The following USP47 variants were observed in gnomAD, a reference collection of about 807,000 sequenced individuals.
The protein encoded by USP47 is ubiquitin carboxyl-terminal hydrolase 47.
In USP47, 35 loss-of-function variants were observed where a neutral mutation model predicts 165.1. The observed-to-expected ratio is 0.21, with a 90% confidence interval of 0.16 to 0.28. The LOEUF (loss-of-function observed/expected upper bound fraction) is 0.28, where lower values mean the gene tolerates loss of function less well. USP47 is among the 10% of genes least tolerant of loss of function. USP47 has a pLI of 1.00. For missense variants in USP47, 1,277 were observed against 1,607.4 expected, an observed-to-expected ratio of 0.79 and a Z score of 3.52; for synonymous variants, 531 against 544.5, an observed-to-expected ratio of 0.98 and a Z score of 0.35.
chr11:11,883,803 G>C lies in USP47; in HGVS notation c.244-664G>C, dbSNP rs138290247. Among the ~76,000 whole-genome samples the C allele has an allele frequency of 2.6e-3, 392 of 152,208 alleles. 2 individuals are homozygous for C. Among genetic ancestry groups the C allele is most frequent in the Non-Finnish European group, 3.9e-3 (266 of 67,994 alleles). On this transcript the variant is annotated intron_variant, in intron 2 of 27. Transcript: ENST00000527733. Reference sequence around the variant, plus strand: ...TACCATATAAGTTAGGTGAAGACTTGACTCTTAGATGTTTAATTTTCAAAG... The same window carrying C: ...TACCATATAAGTTAGGTGAAGACTTCACTCTTAGATGTTTAATTTTCAAAG...
rs946470578 is a variant in USP47, at chr11:11,949,812, A to AT, written c.3349-72dup. Reference sequence around the variant, plus strand: ...TAATTGCAAATAAAATGTTTTGGTAATTTTTATTTTAATGTGTTAATATTA... The same window carrying AT: ...TAATTGCAAATAAAATGTTTTGGTAATTTTTTATTTTAATGTGTTAATATTA... On this transcript the variant is annotated intron_variant, in intron 22 of 27. Transcript: ENST00000527733. The AT allele has an allele frequency of 1.8e-5, 18 of 979,774 alleles. No homozygotes were observed. The African/African-American group carries it at 3.1e-4, about 17-fold the overall frequency. 60.7% of individuals were successfully genotyped at this position (979,774 alleles called of 1,614,324 possible).
chr11:11,893,404 A>G (rs968199077), intron 4 of USP47, among the ~76,000 whole-genome samples: 2 of 152,208 alleles, frequency 1.3e-5, no homozygotes, highest in Non-Finnish European at 2.9e-5. Context: ...AAAGAACACT[A>G]TAGTGTTACA....
chr11:11,912,195 C>T lies in USP47; in HGVS notation c.969+6647C>T, dbSNP rs546664811. 5.8e-4 allele frequency among the ~76,000 whole-genome samples: 88 copies of T among 150,926 alleles called. 1 individual carries two copies. The South Asian group carries it at 0.014, about 24-fold the overall frequency. ...AAGAGCAAAAGAAACCCAAAGCAAG[C>T]GGAAGGAAGGACATAATAAAGAAAA... On this transcript the variant is annotated intron_variant, in intron 8 of 27. Coordinates refer to ENST00000527733, the MANE Select transcript of USP47 (RefSeq NM_001282659.2).
intron 27 of USP47, 22 bp downstream of exon 27, chr11:11,955,186 T>A (rs1309298420): frequency 1.2e-6 from 2 of 1,604,228 alleles, no homozygotes; most frequent in Non-Finnish European, 1.7e-6. Context: ...AATGTTTTTG[T>A]TGCTGTTAGT....
intron 1 of USP47, among the ~76,000 whole-genome samples, chr11:11,859,890 G>A (rs932305524): frequency 2.0e-5 from 3 of 152,064 alleles, no homozygotes; most frequent in East Asian, 2.0e-4. Context: ...AATCATTTGA[G>A]GTCAGGAGTT....
At chr11:11,900,837 G>C (rs1212004002) in intron 5 of USP47, among the ~76,000 whole-genome samples, 4 of 152,216 alleles carry the variant, frequency 2.6e-5, no homozygotes, top group Non-Finnish European at 5.9e-5. Flanking sequence ...CTAAAGGACA[G>C]GTGAGAATTC....
At chr11:11,953,077 C>T (rs1035232444) in intron 25 of USP47, among the ~76,000 whole-genome samples, 4 of 152,126 alleles carry the variant, frequency 2.6e-5, no homozygotes, top group Non-Finnish European at 5.9e-5. Flanking sequence ...GCTCCTGATT[C>T]TTTGAAAAAT....
At chr11:11,938,221 C>A (rs765970245) in intron 17 of USP47, 36 bp from the exon 18 acceptor site, 1 of 1,567,048 alleles carries the variant, frequency 6.4e-7, no homozygotes, top group Non-Finnish European at 8.8e-7. Flanking sequence ...TAAAAAATAA[C>A]CTCCAATTCT....
intron 8 of USP47, among the ~76,000 whole-genome samples, chr11:11,909,932 A>G (rs2134502744): frequency 6.6e-6 from 1 of 152,318 alleles, no homozygotes. Context: ...GGTGGTTTGG[A>G]CATTCTTACA....
chr11:11,936,537 T>A lies in USP47; in HGVS notation c.2077+27T>A, dbSNP rs548430524. On this transcript the variant is annotated intron_variant, in intron 17 of 27. Transcript: ENST00000527733. ...TGAGCAATTTTACACTATTTTTAGT[T>A]GTTCTGTACTTAGAATTTTCATGAG... The A allele has an allele frequency of 5.4e-6, 8 of 1,487,296 alleles. No homozygotes were observed. In the South Asian group the frequency reaches 1.1e-4, roughly 21 times the overall value. 92.1% of individuals were successfully genotyped at this position (1,487,296 alleles called of 1,614,324 possible).
chr11:11,941,367 C>T (rs1478547298), intron 19 of USP47, among the ~76,000 whole-genome samples: 1 of 151,794 alleles, frequency 6.6e-6, no homozygotes, highest in Non-Finnish European at 1.5e-5. Flanking sequence ...AAACGGTTAG[C>T]GTACTGGTTT....
chr11:11,847,187 T>G (rs1848474899), intron 1 of USP47, among the ~76,000 whole-genome samples: 1 of 152,154 alleles, frequency 6.6e-6, no homozygotes, highest in African/African-American at 2.4e-5. Flanking sequence ...GATATATATT[T>G]AGACTTTCAT....
intron 1 of USP47, among the ~76,000 whole-genome samples, chr11:11,862,926 C>T (rs1849467575): frequency 1.3e-5 from 2 of 152,032 alleles, no homozygotes; most frequent in Admixed American, 6.6e-5. Flanking sequence ...GTATACATTG[C>T]CTGAACAACA....
intron 1 of USP47, among the ~76,000 whole-genome samples, chr11:11,870,740 G>A (rs368725531): frequency 2.0e-5 from 3 of 152,056 alleles, no homozygotes; most frequent in Admixed American, 6.5e-5. Context: ...AAATTATCCC[G>A]CTTTTCTGTT....
intron 20 of USP47, chr11:11,943,344 G>A (rs543208831): frequency 4.2e-5 from 14 of 333,222 alleles, no homozygotes; most frequent in African/African-American, 2.9e-4. Flanking sequence ...AGTATTCAAT[G>A]TTAGGAAGGA....
chr11:11,897,993 C>G (rs1590330692), intron 5 of USP47, among the ~76,000 whole-genome samples: 1 of 152,214 alleles, frequency 6.6e-6, no homozygotes, highest in African/African-American at 2.4e-5. Flanking sequence ...AAATAAATAA[C>G]TGCTTTTGAG....
chr11:11,853,865 A>G (rs1473666434), intron 1 of USP47, among the ~76,000 whole-genome samples: 1 of 152,046 alleles, frequency 6.6e-6, no homozygotes, highest in East Asian at 1.9e-4. Context: ...GGTGGCTCAC[A>G]CCTGTAATCC....
At chr11:11,845,701 A>G (rs938808237) in intron 1 of USP47, among the ~76,000 whole-genome samples, 1 of 152,314 alleles carries the variant, frequency 6.6e-6, no homozygotes, top group African/African-American at 2.4e-5. Context: ...TAAATTTAGC[A>G]TTCTAACCAA....
intron 19 of USP47, among the ~76,000 whole-genome samples, 166 bp from the exon 20 acceptor site, chr11:11,942,169 G>C (rs572915730): frequency 6.6e-6 from 1 of 152,148 alleles, no homozygotes; most frequent in East Asian, 1.9e-4. Flanking sequence ...TGAGCCTAAT[G>C]TTCATTTTAT....
Sources: gnomAD v4.1 joint callset for allele counts (sites outside exome capture counted in the v4.1 genomes callset) on GRCh38, gnomAD v4.1.1 for gene constraint, MANE v1.5 for transcripts, NCBI Gene and HGNC (gene_info 2026-07-23, HGNC 2026-07-21) for gene names.